EYS: variants seen among roughly 807,000 people sequenced by gnomAD.
EYS encodes the protein EGF-like photoreceptor maintenance factor, also known as protein eyes shut homolog.
A neutral mutation model predicts 282.1 loss-of-function variants in EYS; 250 were observed. The ratio of observed to expected loss-of-function variants is 0.89; its 90% CI spans 0.80 to 0.98. EYS has a LOEUF of 0.98. Ranked by LOEUF, EYS falls within the 50% of genes least tolerant of loss-of-function variation. The probability of loss-of-function intolerance (pLI) is 0.00; values close to 1 mark genes in which losing one functional copy is unlikely to be tolerated. For missense variants in EYS, 4,016 were observed against 3,709.0 expected (o/e 1.08, Z -2.15); for synonymous variants, 1,355 against 1,282.9 (o/e 1.06, Z -1.20).
chr6:64,507,963 T>C (rs369312675), intron 26 of EYS, among the ~76,000 whole-genome samples: 2 of 152,102 alleles, frequency 1.3e-5, no homozygotes, highest in Non-Finnish European at 2.9e-5. Flanking sequence ...CTTGAGACGG[T>C]TCCTGAGTGG....
At chr6:63,885,852 A>G (rs1220011576) in intron 35 of EYS, among the ~76,000 whole-genome samples, 1 of 152,206 alleles carries the variant, frequency 6.6e-6, no homozygotes, top group Admixed American at 6.5e-5. Context: ...CAACTGTTGT[A>G]GATGTAATCA....
chr6:64,390,428 A>T (rs2150426592), intron 28 of EYS, among the ~76,000 whole-genome samples: 1 of 152,192 alleles, frequency 6.6e-6, no homozygotes, highest in Non-Finnish European at 1.5e-5. Flanking sequence ...TGGAGATCTC[A>T]GAACGGGCAG....
chr6:64,120,448 G>C (rs1773548855), intron 31 of EYS, among the ~76,000 whole-genome samples: 1 of 149,678 alleles, frequency 6.7e-6, no homozygotes, highest in Non-Finnish European at 1.5e-5. Flanking sequence ...TACAAATCTT[G>C]CTAATGATGG....
intron 13 of EYS, among the ~76,000 whole-genome samples, chr6:65,048,188 C>T (rs1244671961): frequency 3.3e-5 from 5 of 151,848 alleles, no homozygotes; most frequent in Admixed American, 6.6e-5. Context: ...TATTTAGCCT[C>T]GTTTCTCCTT....
intron 8 of EYS, among the ~76,000 whole-genome samples, chr6:65,364,150 T>C (rs1278577465): frequency 6.6e-6 from 1 of 151,222 alleles, no homozygotes; most frequent in Non-Finnish European, 1.5e-5. Flanking sequence ...TAACATCTGA[T>C]ACATCACATC....
chr6:63,936,839 G>A (rs1295202947), intron 35 of EYS, among the ~76,000 whole-genome samples: 1 of 152,154 alleles, frequency 6.6e-6, no homozygotes, highest in South Asian at 2.1e-4. Context: ...CTTTCTGCGT[G>A]TCACCAGGAA....
intron 26 of EYS, among the ~76,000 whole-genome samples, chr6:64,528,155 T>G (rs1011576638): frequency 2.0e-5 from 3 of 151,904 alleles, no homozygotes; most frequent in Non-Finnish European, 2.9e-5. Context: ...TTTCCAAAGT[T>G]TGAAAATTGA....
chr6:64,102,894 C>T (rs1772879637), intron 31 of EYS, among the ~76,000 whole-genome samples: 1 of 150,630 alleles, frequency 6.6e-6, no homozygotes, highest in Non-Finnish European at 1.5e-5. Flanking sequence ...ACAAACATAT[C>T]TTTTTTTTCA....
At chr6:64,680,010 C>T (rs1769841442) in intron 22 of EYS, among the ~76,000 whole-genome samples, 1 of 151,954 alleles carries the variant, frequency 6.6e-6, no homozygotes. Flanking sequence ...AAATTAGGTT[C>T]CACATGTGTC....
intron 35 of EYS, among the ~76,000 whole-genome samples, chr6:63,872,266 T>A (rs1306366961): frequency 2.0e-5 from 3 of 152,048 alleles, no homozygotes; most frequent in Non-Finnish European, 4.4e-5. Context: ...TGAACTTTTC[T>A]GTCACTCAAT....
chr6:64,598,051 A>G (rs1766642762), intron 24 of EYS, among the ~76,000 whole-genome samples: 1 of 152,218 alleles, frequency 6.6e-6, no homozygotes, highest in African/African-American at 2.4e-5. Context: ...AAAGAACTAT[A>G]AAGTGTCTGT....
intron 33 of EYS, among the ~76,000 whole-genome samples, chr6:64,025,640 C>G (rs142591649): frequency 6.6e-6 from 1 of 152,118 alleles, no homozygotes; most frequent in Non-Finnish European, 1.5e-5. Context: ...CCCAAAGCTC[C>G]GTCATAGTGG....
chr6:63,766,463 G>T (rs1039407111), intron 40 of EYS, among the ~76,000 whole-genome samples: 3 of 152,138 alleles, frequency 2.0e-5, no homozygotes, highest in African/African-American at 4.8e-5. Flanking sequence ...ATAGGTCATG[G>T]CTGGGATAAG....
chr6:64,099,934 T>C (rs1772767931), intron 31 of EYS, among the ~76,000 whole-genome samples: 1 of 152,186 alleles, frequency 6.6e-6, no homozygotes, highest in Non-Finnish European at 1.5e-5. Context: ...GATAATCTTT[T>C]CCTTTTTGAT....
chr6:65,492,387 G>C (rs1766082255), intron 4 of EYS, among the ~76,000 whole-genome samples: 1 of 149,698 alleles, frequency 6.7e-6, no homozygotes, highest in Admixed American at 6.7e-5. Context: ...AGGAAGCAAA[G>C]AAGGAAAGAA....
At chr6:63,889,174 T>G (rs575634269) in intron 35 of EYS, among the ~76,000 whole-genome samples, 41 of 152,280 alleles carry the variant, frequency 2.7e-4, no homozygotes, top group African/African-American at 9.9e-4. Context: ...TTGGTGTACC[T>G]GAAAGTTATG....
intron 22 of EYS, among the ~76,000 whole-genome samples, chr6:64,651,194 T>C (rs192477439): frequency 5.6e-4 from 86 of 152,248 alleles, no homozygotes; most frequent in African/African-American, 2.0e-3. Context: ...ACAGAAAGGA[T>C]AGAATGGTTA....
intron 22 of EYS, among the ~76,000 whole-genome samples, chr6:64,679,651 AGT>A: frequency 6.6e-6 from 1 of 152,284 alleles, no homozygotes; most frequent in Non-Finnish European, 1.5e-5. Context: ...ACCCAACTGC[AGT>A]GTGTGGGAGG....
chr6:65,534,978 G>A (rs904308399), intron 2 of EYS, among the ~76,000 whole-genome samples: 1 of 152,074 alleles, frequency 6.6e-6, no homozygotes. Flanking sequence ...AAATCATACT[G>A]ATGAGAGACA....
Sources: allele counts gnomAD v4.1 joint callset (sites outside exome capture counted in the v4.1 genomes callset), GRCh38; gene constraint gnomAD v4.1.1; transcripts MANE v1.5; gene names NCBI Gene and HGNC (gene_info 2026-07-23, HGNC 2026-07-21).